Variants in TP63 observed in about 807,000 individuals in gnomAD.
TP63 encodes the protein tumor protein p63, also known as tumor protein 63.
Under a neutral mutation model 82.8 loss-of-function variants are expected in TP63, and 17 were observed. The observed-to-expected ratio is 0.21, with a 90% CI of 0.14 to 0.31. The LOEUF (loss-of-function observed/expected upper bound fraction) is 0.31, where lower values mean the gene tolerates loss of function less well. TP63 is among the 10% of genes least tolerant of loss of function. TP63 has a pLI of 1.00. For missense variants in TP63, 648 were observed against 895.3 expected, an observed-to-expected ratio of 0.72 and a Z score of 3.52; for synonymous variants, 330 against 321.7, an observed-to-expected ratio of 1.03 and a Z score of -0.28.
chr3:189,702,446 G>C (rs1048916547), intron 1 of TP63, among the ~76,000 whole-genome samples: 5 of 152,140 alleles, frequency 3.3e-5, no homozygotes, highest in Non-Finnish European at 5.9e-5. Flanking sequence ...AGAAGAGGAG[G>C]TTTGATTGGT....
rs989096359 is a variant in TP63 at position 189,838,515 on chromosome 3, A to G, written c.580-25717A>G. Among the ~76,000 whole-genome samples, 6 of 152,202 alleles carry G rather than the reference A, an allele frequency of 3.9e-5. No homozygotes were observed. The East Asian group carries it at 1.2e-3, about 29-fold the overall frequency. On this transcript the variant is annotated intron_variant, in intron 4 of 13. Transcript: ENST00000264731. ...GAACTCTAAAGAAATAGGAAGTAAC[A>G]TGATGACAAGCTTTTAAGAGATGTT...
chr3:189,641,729 AACC>A (rs1305575404), intron 1 of TP63, among the ~76,000 whole-genome samples: 2 of 152,200 alleles, frequency 1.3e-5, no homozygotes, highest in African/African-American at 4.8e-5. Flanking sequence ...AATGTTATAC[AACC>A]ACCTTTCTTT....
At chr3:189,659,522 A>G (rs1713688648) in intron 1 of TP63, among the ~76,000 whole-genome samples, 1 of 152,082 alleles carries the variant, frequency 6.6e-6, no homozygotes, top group Admixed American at 6.6e-5. Context: ...GAATGCTGAG[A>G]GGCACATATG....
intron 1 of TP63, among the ~76,000 whole-genome samples, chr3:189,688,469 G>C (rs976169523): frequency 2.6e-5 from 4 of 152,148 alleles, no homozygotes; most frequent in South Asian, 2.1e-4. Context: ...CTGACACTGA[G>C]CTTATTCACT....
At chr3:189,783,706 G>A (rs1273542934) in intron 3 of TP63, among the ~76,000 whole-genome samples, 1 of 151,770 alleles carries the variant, frequency 6.6e-6, no homozygotes, top group African/African-American at 2.4e-5. Context: ...GAAAGGCAGA[G>A]GGCTAATGAA....
rs1277740556 is a variant in TP63, at chr3:189,895,433, G to T, written c.*931G>T. ...GAAAACATTTGCTGCCATTACAGAGGTATTAAAACTAAATTTCACTACTAG... is the reference window on the plus strand; with the variant it reads ...GAAAACATTTGCTGCCATTACAGAGTTATTAAAACTAAATTTCACTACTAG... On this transcript the variant is annotated 3_prime_UTR_variant, in exon 14 of 14. Coordinates refer to ENST00000264731, the MANE Select transcript of TP63 (RefSeq NM_003722.5). 3.2e-5 allele frequency: 7 copies of T among 217,522 alleles called. No individual in the cohort carries two copies. The highest frequency in any genetic ancestry group is 6.5e-5 in the Non-Finnish European group (7 of 108,378). The allele number at this position is 217,522 out of a possible 1,614,324, so 13.5% of individuals were successfully genotyped here.
At chr3:189,689,720 G>A (rs1716764140) in intron 1 of TP63, among the ~76,000 whole-genome samples, 1 of 152,146 alleles carries the variant, frequency 6.6e-6, no homozygotes, top group Non-Finnish European at 1.5e-5. Context: ...CATTGTGGCA[G>A]TTATGATGTA....
chr3:189,772,293 A>G (rs553441787), intron 3 of TP63, among the ~76,000 whole-genome samples: 1 of 152,354 alleles, frequency 6.6e-6, no homozygotes, highest in South Asian at 2.1e-4. Context: ...CTCTTTACCA[A>G]TAAGGACACT....
intron 1 of TP63, among the ~76,000 whole-genome samples, chr3:189,667,500 C>T (rs959450070): frequency 2.6e-5 from 4 of 151,992 alleles, no homozygotes; most frequent in African/African-American, 9.7e-5. Context: ...AATCTGTGGA[C>T]TAGGGCACCA....
chr3:189,805,767 C>A (rs1233556827), intron 3 of TP63, among the ~76,000 whole-genome samples: 1 of 152,140 alleles, frequency 6.6e-6, no homozygotes, highest in African/African-American at 2.4e-5. Flanking sequence ...GATTGCAGGC[C>A]AACAAAACAA....
chr3:189,734,421 T>G (rs1326376593), intron 1 of TP63, among the ~76,000 whole-genome samples: 1 of 152,100 alleles, frequency 6.6e-6, no homozygotes, highest in African/African-American at 2.4e-5. Context: ...AAGCTAGTCT[T>G]TACAATTCCC....
At chr3:189,754,911 C>T (rs1722076234) in intron 3 of TP63, among the ~76,000 whole-genome samples, 1 of 151,950 alleles carries the variant, frequency 6.6e-6, no homozygotes, top group Admixed American at 6.6e-5. Flanking sequence ...TTTTGGTTAC[C>T]CAGAAAACCG....
At chr3:189,620,424 C>T in the TP63 span, among the ~76,000 whole-genome samples, 3 of 148,836 alleles carry the variant, frequency 2.0e-5, no homozygotes, top group Admixed American at 6.8e-5. Context: ...GCAGGAGAAT[C>T]GCTTGAACCT....
intron 3 of TP63, among the ~76,000 whole-genome samples, chr3:189,776,103 A>G (rs2108567359): frequency 6.6e-6 from 1 of 152,350 alleles, no homozygotes; most frequent in African/African-American, 2.4e-5. Flanking sequence ...ATTTAACAAA[A>G]TATAAAAAAT....
At chr3:189,704,754 A>G (rs1477103943) in intron 1 of TP63, among the ~76,000 whole-genome samples, 1 of 152,212 alleles carries the variant, frequency 6.6e-6, no homozygotes, top group Non-Finnish European at 1.5e-5. Context: ...ATTTTTCACA[A>G]TTCGGACACT....
At chr3:189,724,385 G>GC (rs1169526919) in intron 1 of TP63, among the ~76,000 whole-genome samples, 1 of 152,138 alleles carries the variant, frequency 6.6e-6, no homozygotes, top group African/African-American at 2.4e-5. Flanking sequence ...ACATAAGTAA[G>GC]TTTTTTAGAG....
chr3:189,738,928 G>C (rs1370696859), intron 3 of TP63, 154 bp downstream of exon 3: 6 of 1,182,270 alleles, frequency 5.1e-6, no homozygotes, highest in Non-Finnish European at 7.3e-6. Flanking sequence ...AGAAGATTTG[G>C]TGTGGATTAT....
At chr3:189,840,376 T>C (rs924571515) in intron 4 of TP63, among the ~76,000 whole-genome samples, 3 of 147,470 alleles carry the variant, frequency 2.0e-5, no homozygotes, top group Non-Finnish European at 4.5e-5. Context: ...TTTTTTTTTT[T>C]TTTTTTTTTT....
At chr3:189,689,098 C>CTGTTT (rs1716685896) in intron 1 of TP63, among the ~76,000 whole-genome samples, 1 of 85,140 alleles carries the variant, frequency 1.2e-5, no homozygotes, top group Non-Finnish European at 2.1e-5. Flanking sequence ...TCAAATCTAC[C>CTGTTT]TTTTTCTTTT....
Sources: gnomAD v4.1 joint callset for allele counts (sites outside exome capture counted in the v4.1 genomes callset) on GRCh38, gnomAD v4.1.1 for gene constraint, MANE v1.5 for transcripts, NCBI Gene and HGNC (gene_info 2026-07-23, HGNC 2026-07-21) for gene names.